The following WDR41 variants were observed in gnomAD, a reference collection of about 807,000 sequenced individuals.
WDR41 encodes WD repeat domain 41.
In WDR41, 63 loss-of-function variants were observed where a neutral mutation model predicts 69.3. That is an observed-to-expected ratio of 0.91 (90% CI 0.74 to 1.12). The LOEUF is 1.12. Among genes scored for constraint, WDR41 ranks in the 50% most tolerant of loss-of-function variants. The pLI is 0.00. For missense variants in WDR41, 543 were observed against 534.5 expected (o/e 1.02, Z -0.16); for synonymous variants, 185 against 192.1 (o/e 0.96, Z 0.31).
intron 1 of WDR41, among the ~76,000 whole-genome samples, chr5:77,558,805 A>G (rs1743462138): frequency 6.6e-6 from 1 of 152,242 alleles, no homozygotes; most frequent in Non-Finnish European, 1.5e-5. Context: ...ATAAACCAAT[A>G]TGCAAGACAT....
upstream of WDR41, among the ~76,000 whole-genome samples, chr5:77,496,053 T>C (rs1801928201): frequency 6.6e-6 from 1 of 152,092 alleles, no homozygotes; most frequent in Admixed American, 6.5e-5. Flanking sequence ...AAAGGCATTT[T>C]ACAAAATCCA....
chr5:77,530,850 C>T (rs1263517246), intron 1 of WDR41, among the ~76,000 whole-genome samples: 1 of 151,494 alleles, frequency 6.6e-6, no homozygotes, highest in Non-Finnish European at 1.5e-5. Flanking sequence ...TGAAATGTAT[C>T]AAAAAGGTAA....
chr5:77,545,655 CTT>C (rs1424573626), intron 1 of WDR41: 1 of 421,648 alleles, frequency 2.4e-6, no homozygotes, highest in Non-Finnish European at 4.2e-6. Flanking sequence ...AGATCATTGA[CTT>C]TTTCCTGGGG....
intron 1 of WDR41, among the ~76,000 whole-genome samples, chr5:77,544,677 C>G (rs1048789759): frequency 2.0e-5 from 3 of 151,996 alleles, no homozygotes; most frequent in African/African-American, 7.3e-5. Flanking sequence ...AAAATAATTA[C>G]TAATAGACCT....
At position 77,432,345 on chromosome 5, in the gene WDR41, GA is replaced by G. The variant is rs2151277903; in HGVS notation, c.*789del. On this transcript the variant is annotated 3_prime_UTR_variant, in exon 13 of 13. Coordinates refer to ENST00000296679, the MANE Select transcript of WDR41 (RefSeq NM_018268.4). Reference sequence around the variant, plus strand: ...GGACACTGCAAAGAACTACATAAAAGAAGTCTGTCTCAAGCAGTTCGTATTT... The same window carrying G: ...GGACACTGCAAAGAACTACATAAAAGAGTCTGTCTCAAGCAGTTCGTATTT... 1 of 152,514 alleles carries G rather than the reference GA, an allele frequency of 6.6e-6. No homozygotes were observed. Among genetic ancestry groups the G allele is most frequent in the South Asian group, 2.1e-4 (1 of 4,822 alleles). The allele number at this position is 152,514 out of a possible 1,614,324, so 9.4% of individuals were successfully genotyped here. A position where few individuals can be genotyped will look rare whatever the true frequency, so the allele number is the denominator to read the frequency against.
intron 1 of WDR41, among the ~76,000 whole-genome samples, chr5:77,507,957 C>T (rs1285422002): frequency 6.6e-6 from 1 of 152,050 alleles, no homozygotes; most frequent in Non-Finnish European, 1.5e-5. Context: ...TCTCTTTGCT[C>T]GTTGGCTTGC....
Position 77,492,094 on chromosome 5 carries a change from C to T in WDR41, c.51+76G>A, listed in dbSNP as rs42764. ...CGCCCGGGTCCCCGCGGTCGGAACCCAGGAAGGCCGAACCGGAACGAAGCC... is the reference window on the plus strand; with the variant it reads ...CGCCCGGGTCCCCGCGGTCGGAACCTAGGAAGGCCGAACCGGAACGAAGCC... On this transcript the variant is annotated intron_variant, in intron 1 of 12. Coordinates refer to ENST00000296679, the MANE Select transcript of WDR41 (RefSeq NM_018268.4). The T allele has an allele frequency of 9.0e-6, 14 of 1,562,694 alleles. No individual in the cohort carries two copies. The South Asian group carries it at 1.5e-4, about 17-fold the overall frequency.
intron 1 of WDR41, among the ~76,000 whole-genome samples, chr5:77,618,755 G>A (rs1044763993): frequency 6.6e-6 from 1 of 152,148 alleles, no homozygotes; most frequent in Non-Finnish European, 1.5e-5. Context: ...AACAAAGAAG[G>A]GGGACCAGAA....
intron 1 of WDR41, among the ~76,000 whole-genome samples, chr5:77,541,740 G>A (rs370950109): frequency 0.044 from 5,284 of 120,120 alleles, 127 homozygotes; most frequent in Middle Eastern, 0.11. Flanking sequence ...TGATCCCCCT[G>A]CCTTGGCCTC....
At chr5:77,448,561 C>T (rs527513316) in intron 8 of WDR41, among the ~76,000 whole-genome samples, 31 of 152,060 alleles carry the variant, frequency 2.0e-4, no homozygotes, top group African/African-American at 5.5e-4. Context: ...CTCACATTCA[C>T]GCAAAATACT....
intron 8 of WDR41, among the ~76,000 whole-genome samples, chr5:77,446,236 T>C (rs1258544951): frequency 6.6e-6 from 1 of 152,070 alleles, no homozygotes; most frequent in African/African-American, 2.4e-5. Context: ...AAGGACCTCT[T>C]CAAAGAGAAC....
rs531608212 is a variant in WDR41, at chr5:77,547,214, G to A, written c.43-57642C>T. On this transcript the variant is annotated intron_variant, in intron 1 of 5. Transcript: ENST00000509971. ...GCATTCCCTCTGAGAACTGGAACAA[G>A]ACAGGGATGCCCACTCTCACTACTC... Among the ~76,000 whole-genome samples, 4 of 152,120 alleles carry A rather than the reference G, an allele frequency of 2.6e-5. No individual in the cohort carries two copies. The East Asian group carries it at 5.8e-4, about 22-fold the overall frequency.
At position 77,431,123 on chromosome 5, in the gene WDR41, ACT is replaced by A. The variant is rs1246327955; in HGVS notation, c.*2010_*2011del. On this transcript the variant is annotated 3_prime_UTR_variant, in exon 13 of 13. Transcript: ENST00000296679. ...GGAGCATCAGGATTTGAGATGACAGACTCTAAATTTTGAAAGAAGTTCTACTG... is the reference window on the plus strand; with the variant it reads ...GGAGCATCAGGATTTGAGATGACAGACTAAATTTTGAAAGAAGTTCTACTG... 4 of 152,260 alleles carry A rather than the reference ACT, an allele frequency of 2.6e-5. No homozygotes were observed. Among genetic ancestry groups the A allele is most frequent in the African/African-American group, 9.6e-5 (4 of 41,546 alleles). The allele number at this position is 152,260 out of a possible 1,614,324, so 9.4% of individuals were successfully genotyped here.
At chr5:77,575,803 G>A (rs1743820474) in intron 1 of WDR41, among the ~76,000 whole-genome samples, 1 of 152,076 alleles carries the variant, frequency 6.6e-6, no homozygotes, top group African/African-American at 2.4e-5. Flanking sequence ...TTTCCTCATG[G>A]AATTTGTATA....
intron 2 of WDR41, among the ~76,000 whole-genome samples, chr5:77,484,490 A>G (rs3797649): frequency 0.1 from 15,715 of 152,216 alleles, 1,004 homozygotes; most frequent in Middle Eastern, 0.19. Flanking sequence ...CACACTGGAT[A>G]TAAGTGCTTT....
intron 3 of WDR41, among the ~76,000 whole-genome samples, chr5:77,464,273 A>ATT (rs772388660): frequency 0.013 from 1,259 of 95,172 alleles, 20 homozygotes; most frequent in Non-Finnish European, 0.019. Context: ...TTAGGAAAAA[A>ATT]CTTTTTTTTT....
At chr5:77,525,764 C>T (rs1391615329) in intron 1 of WDR41, among the ~76,000 whole-genome samples, 1 of 152,064 alleles carries the variant, frequency 6.6e-6, no homozygotes, top group African/African-American at 2.4e-5. Context: ...GGTAATAAGA[C>T]CTAGAAAAAG....
intron 1 of WDR41, among the ~76,000 whole-genome samples, chr5:77,554,072 T>C (rs1743344559): frequency 6.6e-6 from 1 of 152,198 alleles, no homozygotes; most frequent in Non-Finnish European, 1.5e-5. Context: ...ATGCACAACA[T>C]GGAATTCTAC....
chr5:77,491,925 T>C (rs1445699517), intron 1 of WDR41: 4 of 521,166 alleles, frequency 7.7e-6, no homozygotes, highest in Non-Finnish European at 1.0e-5. Context: ...ACGATTCAGC[T>C]AGCCGTGGGA....
Sources: allele counts gnomAD v4.1 joint callset (sites outside exome capture counted in the v4.1 genomes callset), GRCh38; gene constraint gnomAD v4.1.1; transcripts MANE v1.5; gene names NCBI Gene and HGNC (gene_info 2026-07-23, HGNC 2026-07-21).